Variants in SEPTIN11 observed in about 807,000 individuals in gnomAD.
The protein encoded by SEPTIN11 is septin-11.
Under a neutral mutation model 51.4 loss-of-function variants are expected in SEPTIN11, and 25 were observed. That is an observed-to-expected ratio of 0.49 (90% CI 0.35 to 0.68). SEPTIN11 has a LOEUF of 0.68. Among genes scored for constraint, SEPTIN11 ranks in the 30% least tolerant of loss-of-function variants. The pLI is 0.00. For missense variants in SEPTIN11, 381 were observed against 520.8 expected, an observed-to-expected ratio of 0.73 and a Z score of 2.61; for synonymous variants, 174 against 184.1, an observed-to-expected ratio of 0.95 and a Z score of 0.44.
intron 1 of SEPTIN11, among the ~76,000 whole-genome samples, chr4:76,972,016 C>T (rs1722269230): frequency 6.6e-6 from 1 of 152,190 alleles, no homozygotes; most frequent in African/African-American, 2.4e-5. Flanking sequence ...CAGGTTGTTA[C>T]GATCCCCAAC....
intron 1 of SEPTIN11, among the ~76,000 whole-genome samples, chr4:76,974,111 G>A (rs898620104): frequency 2.0e-5 from 3 of 152,128 alleles, no homozygotes; most frequent in Non-Finnish European, 4.4e-5. Flanking sequence ...TCACTCACAT[G>A]TTGTCCCCTC....
rs527908881 is a variant in SEPTIN11 at position 77,018,225 on chromosome 4, C to T, written c.688-940C>T. ...CAGCACTTTCGGAGGCCAAGGCGGGCGGATCACAAGGTCAGGAGATCGAGA... is the reference window on the plus strand; with the variant it reads ...CAGCACTTTCGGAGGCCAAGGCGGGTGGATCACAAGGTCAGGAGATCGAGA... On this transcript the variant is annotated intron_variant, in intron 5 of 9. Coordinates refer to ENST00000264893, the MANE Select transcript of SEPTIN11 (RefSeq NM_018243.4). Among the ~76,000 whole-genome samples the T allele has an allele frequency of 5.6e-4, 85 of 152,198 alleles. 1 individual carries two copies. The highest frequency in any genetic ancestry group is 5.0e-3 in the South Asian group (24 of 4,818).
chr4:76,979,847 T>C (rs1157737109), intron 1 of SEPTIN11, among the ~76,000 whole-genome samples: 1 of 144,560 alleles, frequency 6.9e-6, no homozygotes, highest in East Asian at 2.0e-4. Context: ...AAACTCCATG[T>C]CAAAAAAAAA....
At chr4:76,952,085 A>G (rs1721372952) in intron 1 of SEPTIN11, among the ~76,000 whole-genome samples, 1 of 152,244 alleles carries the variant, frequency 6.6e-6, no homozygotes, top group Non-Finnish European at 1.5e-5. Flanking sequence ...CATTTCACAG[A>G]TAATTGTTGA....
At chr4:76,991,459 C>T (rs1184344134) in intron 1 of SEPTIN11, among the ~76,000 whole-genome samples, 1 of 152,222 alleles carries the variant, frequency 6.6e-6, no homozygotes, top group African/African-American at 2.4e-5. Context: ...TGGTGGCACA[C>T]ATTCTTACAT....
In SEPTIN11 at chr4:76,995,252, C is replaced by T. The variant is rs914791138; in HGVS notation, c.28-1173C>T. Among the ~76,000 whole-genome samples the T allele has an allele frequency of 3.5e-4, 53 of 151,922 alleles. 3 individuals are homozygous for T. Among genetic ancestry groups the T allele is most frequent in the Admixed American group, 3.0e-3 (46 of 15,250 alleles). On this transcript the variant is annotated intron_variant, in intron 1 of 9. Transcript: ENST00000264893. ...CAAAAATTAGCTGGGCGTGGTGGCG[C>T]GTGCCTATAATCCCAGCTACTCGGG...
At chr4:77,026,059 C>T (rs1726116454) in intron 7 of SEPTIN11, among the ~76,000 whole-genome samples, 1 of 152,096 alleles carries the variant, frequency 6.6e-6, no homozygotes, top group Non-Finnish European at 1.5e-5. Context: ...GTAGTAATGC[C>T]TACTCTTAAA....
intron 1 of SEPTIN11, among the ~76,000 whole-genome samples, chr4:76,954,398 C>T (rs1721472988): frequency 6.6e-6 from 1 of 152,146 alleles, no homozygotes; most frequent in Non-Finnish European, 1.5e-5. Context: ...AAATGAAACC[C>T]AACACATCTA....
rs1324156313 is a variant in SEPTIN11 at position 77,024,209 on chromosome 4, C to G, written c.953+3539C>G. The stretch of plus-strand genomic sequence containing the variant: ...TTGGCAGCACACCACGGCAGTAAAG[C>G]TAGCGGAGCCCGTCCCTGGGGTGCC... On this transcript the variant is annotated intron_variant, in intron 7 of 9. Transcript: ENST00000264893. This position sits in a 1 kb window ranked among gnomAD's most constrained non-coding sequence, Gnocchi z 4.2. 1.3e-5 allele frequency among the ~76,000 whole-genome samples: 2 copies of G among 152,190 alleles called. No homozygotes were observed. The highest frequency in any genetic ancestry group is 2.9e-5 in the Non-Finnish European group (2 of 68,032).
At chr4:77,016,477 AAT>A (rs747122293) in intron 5 of SEPTIN11, among the ~76,000 whole-genome samples, 10 of 144,926 alleles carry the variant, frequency 6.9e-5, no homozygotes, top group East Asian at 2.0e-4. Context: ...AATAATACAA[AAT>A]ATATATATAT....
At chr4:76,966,332 G>C (rs570453476) in intron 1 of SEPTIN11, among the ~76,000 whole-genome samples, 2 of 152,312 alleles carry the variant, frequency 1.3e-5, no homozygotes, top group East Asian at 3.9e-4. Context: ...AAGATATTTG[G>C]TCAAATTAGT....
chr4:76,988,030 G>A (rs180777624), intron 1 of SEPTIN11, among the ~76,000 whole-genome samples: 52 of 152,222 alleles, frequency 3.4e-4, no homozygotes, highest in African/African-American at 9.9e-4. Context: ...CCTGAGTTCT[G>A]ATATTTCTAC....
At chr4:77,028,976 C>T (rs1308522427) in intron 8 of SEPTIN11, among the ~76,000 whole-genome samples, 1 of 152,154 alleles carries the variant, frequency 6.6e-6, no homozygotes, top group African/African-American at 2.4e-5. Context: ...TTTTTGCAGT[C>T]ACATACCTAG....
intron 8 of SEPTIN11, among the ~76,000 whole-genome samples, chr4:77,030,270 T>C (rs1055801107): frequency 1.3e-5 from 2 of 152,166 alleles, no homozygotes; most frequent in Non-Finnish European, 2.9e-5. Flanking sequence ...CAAGGAGTTC[T>C]AGTGTCACAG....
At chr4:77,032,175 T>C (rs1197177992) in intron 9 of SEPTIN11, 3 of 151,210 alleles carry the variant, frequency 2.0e-5, no homozygotes, top group African/African-American at 7.4e-5. Context: ...GAGAGAGTTT[T>C]AAATCATGCT....
Position 77,005,759 on chromosome 4 carries a change from A to G in SEPTIN11, c.301A>G (p.Thr101Ala), listed in dbSNP as rs753728133. The stretch of plus-strand genomic sequence containing the variant: ...ACGGCTGAAGTTAACCATTGTTGAC[A>G]CCGTGGGATTTGGAGACCAGATAAA... The part of the protein sequence containing the change: ...NVRLKLTIVD[T>A]VGFGDQINKD... Residue 101 changes from threonine (T) to alanine (A), a missense_variant, in exon 3 of 10, where the codon ACC becomes GCC. Transcript: ENST00000264893. The G allele has an allele frequency of 6.2e-7, 1 of 1,613,876 alleles. No homozygotes were observed. The highest frequency in any genetic ancestry group is 8.5e-7 in the Non-Finnish European group (1 of 1,179,868).
At chr4:76,952,401 G>T (rs531066040) in intron 1 of SEPTIN11, among the ~76,000 whole-genome samples, 2 of 152,064 alleles carry the variant, frequency 1.3e-5, no homozygotes, top group African/African-American at 4.8e-5. Context: ...CTCCTTTTGC[G>T]ATAACTACCT....
chr4:76,969,735 C>G (rs889410444), intron 1 of SEPTIN11, among the ~76,000 whole-genome samples: 2 of 152,142 alleles, frequency 1.3e-5, no homozygotes, highest in African/African-American at 4.8e-5. Context: ...TCACAAACAG[C>G]AACATAGTAA....
At position 77,038,374 on chromosome 4, in the gene SEPTIN11, T is replaced by G; in HGVS notation, c.*3862T>G. On this transcript the variant is annotated 3_prime_UTR_variant, in exon 10 of 10. Transcript: ENST00000264893. ...TCTAAAACTGTCGTGTAATCTACTT[T>G]CATTGTTAATGCAGAATTGTCATAT... 2.0e-6 allele frequency: 2 copies of G among 985,912 alleles called. No individual in the cohort carries two copies. The highest frequency in any genetic ancestry group is 2.4e-6 in the Non-Finnish European group (2 of 829,940). The allele number at this position is 985,912 out of a possible 1,614,324, so 61.1% of individuals were successfully genotyped here.
Sources: allele counts gnomAD v4.1 joint callset (sites outside exome capture counted in the v4.1 genomes callset), GRCh38; gene constraint gnomAD v4.1.1; non-coding constraint Gnocchi (gnomAD v3.1); transcripts MANE v1.5; gene names NCBI Gene and HGNC (gene_info 2026-07-23, HGNC 2026-07-21).